The following SOS1 variants were observed in gnomAD, a reference collection of about 807,000 sequenced individuals.
The protein encoded by SOS1 is SOS Ras/Rac guanine nucleotide exchange factor 1.
A neutral mutation model predicts 157.6 loss-of-function variants in SOS1; 25 were observed. The observed-to-expected ratio is 0.16, with a 90% CI of 0.12 to 0.22. The LOEUF (loss-of-function observed/expected upper bound fraction) is 0.22. SOS1 is among the 10% of genes least tolerant of loss of function. The probability of loss-of-function intolerance (pLI) is 1.00; values close to 1 mark genes in which losing one functional copy is unlikely to be tolerated. For missense variants in SOS1, 1,237 were observed against 1,599.1 expected (o/e 0.77, Z 3.86); for synonymous variants, 528 against 534.0 (o/e 0.99, Z 0.16).
Position 39,051,277 on chromosome 2 carries a change from T to C in SOS1, c.731A>G (p.Asn244Ser). Residue 244 changes from asparagine (N) to serine (S), a missense_variant, in exon 6 of 23, where the codon AAT becomes AGT. Physicochemically the swap from Asn to Ser is conservative, Grantham distance 46. Around this residue, in one of 15 missense-constraint regions of SOS1, gnomAD observed 108 missense variants for 115.3 expected, o/e 0.94. Coordinates refer to ENST00000402219, the MANE Select transcript of SOS1 (RefSeq NM_005633.4). ...TATATCTACTATGCGACTAAATATA[T>C]TTTCTACATCCTGTTTGGGGGAAAA... ...SKLFSANDVENIFSRIVDIHE... is the reference protein window; with the variant it reads ...SKLFSANDVESIFSRIVDIHE... The C allele has an allele frequency of 6.2e-7, 1 of 1,611,412 alleles. No individual in the cohort carries two copies. Among genetic ancestry groups the C allele is most frequent in the Non-Finnish European group, 8.5e-7 (1 of 1,177,718 alleles).
At chr2:39,089,613 C>T (rs1357646368) in intron 1 of SOS1, among the ~76,000 whole-genome samples, 1 of 150,652 alleles carries the variant, frequency 6.6e-6, no homozygotes, top group Admixed American at 6.6e-5. Context: ...ATTTACACAA[C>T]AAAATAAGTA....
At position 39,120,373 on chromosome 2, in the gene SOS1, G is replaced by C; in HGVS notation, c.50C>G (p.Pro17Arg). The C allele has an allele frequency of 6.2e-7, 1 of 1,602,420 alleles. No homozygotes were observed. The highest frequency in any genetic ancestry group is 8.5e-7 in the Non-Finnish European group (1 of 1,175,596). The change falls in exon 1 of 23, where the codon CCC becomes CGC. Residue 17 changes from proline (P) to arginine (R), a missense_variant. Transcript: ENST00000402219. ...AGGCACCAGTAGTCCCCGCCACTTGGGCGCGTTCTCTTCGCTGAAAAACTC... is the reference window on the plus strand; with the variant it reads ...AGGCACCAGTAGTCCCCGCCACTTGCGCGCGTTCTCTTCGCTGAAAAACTC... ...PYEFFSEENA[P>R]KWRGLLVPAL... is the part of the protein sequence containing the mutation.
At chr2:39,001,681 G>T (rs767536818) in intron 17 of SOS1, among the ~76,000 whole-genome samples, 2 of 152,174 alleles carry the variant, frequency 1.3e-5, no homozygotes, top group Admixed American at 6.5e-5. Context: ...TTCAGAAGCA[G>T]CAATAACATC....
intron 1 of SOS1, among the ~76,000 whole-genome samples, chr2:39,071,934 T>C (rs1265923616): frequency 6.6e-6 from 1 of 152,068 alleles, no homozygotes; most frequent in African/African-American, 2.4e-5. Context: ...CAACTTGTTT[T>C]CTTTGTCCTT....
chr2:39,056,318 G>A (rs1671209171), intron 4 of SOS1, among the ~76,000 whole-genome samples: 1 of 152,148 alleles, frequency 6.6e-6, no homozygotes, highest in African/African-American at 2.4e-5. Flanking sequence ...TCAGGAGGCT[G>A]AGGCAGGACA....
intron 1 of SOS1, among the ~76,000 whole-genome samples, chr2:39,086,555 T>A (rs1394080810): frequency 6.6e-6 from 1 of 152,128 alleles, no homozygotes; most frequent in East Asian, 1.9e-4. Context: ...TAATGCCCTA[T>A]CCTATCAAAA....
chr2:39,070,364 A>G (rs898290361), intron 1 of SOS1, among the ~76,000 whole-genome samples: 12 of 152,156 alleles, frequency 7.9e-5, no homozygotes, highest in African/African-American at 1.4e-4. Flanking sequence ...TTTCCTTAGT[A>G]TTAGGACATA....
chr2:39,027,136 A>AT (rs918125344), intron 8 of SOS1, among the ~76,000 whole-genome samples: 32 of 152,184 alleles, frequency 2.1e-4, no homozygotes, highest in Non-Finnish European at 4.1e-4. Context: ...TCCTGGATAC[A>AT]TTTTTTATAT....
At chr2:39,103,188 G>A (rs994364953) in intron 1 of SOS1, among the ~76,000 whole-genome samples, 5 of 152,112 alleles carry the variant, frequency 3.3e-5, no homozygotes, top group African/African-American at 1.2e-4. Context: ...AAGCCATTCT[G>A]AGTTATTGAG....
chr2:39,058,273 C>T (rs1280974915), intron 3 of SOS1, among the ~76,000 whole-genome samples: 1 of 151,996 alleles, frequency 6.6e-6, no homozygotes, highest in East Asian at 1.9e-4. Context: ...CAAGATTACA[C>T]ATAGCCTTGT....
At chr2:39,043,632 T>G (rs1002827702) in intron 6 of SOS1, among the ~76,000 whole-genome samples, 2 of 152,248 alleles carry the variant, frequency 1.3e-5, no homozygotes, top group East Asian at 1.9e-4. Flanking sequence ...GACAGGCAGG[T>G]GCATCTGGTG....
chr2:39,080,422 C>G (rs569446851), intron 1 of SOS1, among the ~76,000 whole-genome samples: 25 of 152,294 alleles, frequency 1.6e-4, no homozygotes, highest in Admixed American at 5.9e-4. Context: ...TGGTTCCTAA[C>G]AGGCCATGGA....
intron 1 of SOS1, among the ~76,000 whole-genome samples, chr2:39,100,761 T>G (rs1572892448): frequency 1.3e-5 from 2 of 151,846 alleles, no homozygotes; most frequent in African/African-American, 4.8e-5. Flanking sequence ...ACAAAAAATT[T>G]AAAGAAAAAT....
intron 1 of SOS1, among the ~76,000 whole-genome samples, chr2:39,091,244 G>A (rs972905028): frequency 2.2e-4 from 33 of 152,280 alleles, no homozygotes; most frequent in African/African-American, 7.5e-4. Flanking sequence ...TGTGCAGTGA[G>A]AGTGTACACA....
At chr2:39,085,190 C>A (rs1044915757) in intron 1 of SOS1, among the ~76,000 whole-genome samples, 5 of 152,150 alleles carry the variant, frequency 3.3e-5, no homozygotes, top group African/African-American at 1.2e-4. Flanking sequence ...GGACTACAGG[C>A]ATACACCACC....
chr2:39,092,494 C>T (rs1185631635), intron 1 of SOS1, among the ~76,000 whole-genome samples: 2 of 152,196 alleles, frequency 1.3e-5, no homozygotes, highest in African/African-American at 2.4e-5. Context: ...GCCTCTCAGA[C>T]CCTACTTATC....
chr2:39,044,856 G>GCGCA (rs1553360049), intron 6 of SOS1, among the ~76,000 whole-genome samples: 1 of 28,422 alleles, frequency 3.5e-5, no homozygotes, highest in Non-Finnish European at 7.1e-5. Flanking sequence ...ACACATGCGC[G>GCGCA]CGCGCGCGCA....
rs1668534690 is a variant in SOS1 at position 38,985,714 on chromosome 2, G to A, written c.*110C>T. On this transcript the variant is annotated 3_prime_UTR_variant, in exon 23 of 23. Coordinates refer to ENST00000402219, the MANE Select transcript of SOS1 (RefSeq NM_005633.4). ...TTATACTGCATCTTGAAGAAGAGTC[G>A]TTAGTGTTTGGAGTTCTCATTTTAA... 4.2e-6 allele frequency: 5 copies of A among 1,181,898 alleles called. No homozygotes were observed. The highest frequency in any genetic ancestry group is 1.7e-5 in the Admixed American group (1 of 59,196). The allele number at this position is 1,181,898 out of a possible 1,614,324, so 73.2% of individuals were successfully genotyped here.
chr2:39,114,613 G>T (rs987604565), intron 1 of SOS1, among the ~76,000 whole-genome samples: 12 of 151,620 alleles, frequency 7.9e-5, no homozygotes, highest in South Asian at 2.1e-4. Flanking sequence ...ATTTGTTTTT[G>T]TTTCTTTTTG....
Sources: allele counts gnomAD v4.1 joint callset (sites outside exome capture counted in the v4.1 genomes callset), GRCh38; gene constraint gnomAD v4.1.1; regional missense constraint gnomAD v4.1.1; transcripts MANE v1.5; gene names NCBI Gene and HGNC (gene_info 2026-07-23, HGNC 2026-07-21).